Variants in SLC9A7 observed in about 807,000 individuals in gnomAD.
SLC9A7 encodes the protein sodium/hydrogen exchanger 7.
SLC9A7 carries 19 observed loss-of-function variants against 52.6 expected under a neutral mutation model. That is an observed-to-expected ratio of 0.36 (90% CI 0.25 to 0.53). The LOEUF (loss-of-function observed/expected upper bound fraction) is 0.53, where lower values mean the gene tolerates loss of function less well. Among genes scored for constraint, SLC9A7 ranks in the 20% least tolerant of loss-of-function variants. The pLI is 0.91. For synonymous variants in SLC9A7, 226 were observed against 252.1 expected (o/e 0.90, Z 0.98); for missense variants, 455 against 597.9 (o/e 0.76, Z 2.49).
Position 46,613,369 on chromosome X carries a change from T to C in SLC9A7, c.1849A>G (p.Ser617Gly). Residue 617 changes from serine (S) to glycine (G), a missense_variant, in exon 16 of 17, where the codon AGT (serine) becomes GGT (glycine). Transcript: ENST00000616978. The stretch of plus-strand genomic sequence containing the variant: ...AGCGTGGTGGTTAGTGGGGGACCAC[T>C]GTGTGTGAGGATGGGCTTCAGGTAA... ...HNYLKPILTH[S>G]GPPLTTTLPA... 1 of 1,202,944 alleles carries C rather than the reference T, an allele frequency of 8.3e-7. No homozygotes were observed.
intron 15 of SLC9A7, among the ~76,000 whole-genome samples, chrX:46,619,400 G>T (rs1393801316): frequency 1.8e-5 from 2 of 110,731 alleles, no homozygotes; most frequent in Admixed American, 9.6e-5. Context: ...GTTACTCCTG[G>T]GTAGATTACC....
intron 5 of SLC9A7, among the ~76,000 whole-genome samples, chrX:46,668,950 G>A (rs1004450921): frequency 3.6e-5 from 4 of 110,880 alleles, no homozygotes; most frequent in African/African-American, 1.3e-4. Context: ...GGTGGATCAC[G>A]AAGTCAGGAG....
At chrX:46,621,638 TTC>T (rs1342592794) in intron 14 of SLC9A7, among the ~76,000 whole-genome samples, 5 of 111,595 alleles carry the variant, frequency 4.5e-5, no homozygotes, top group African/African-American at 6.5e-5. Flanking sequence ...GAACTAACAA[TTC>T]TGTTATTTTA....
intron 16 of SLC9A7, among the ~76,000 whole-genome samples, chrX:46,610,250 C>T (rs1942826917): frequency 8.9e-6 from 1 of 112,589 alleles, no homozygotes; most frequent in Non-Finnish European, 1.9e-5. Flanking sequence ...GGGATGTGTG[C>T]ATTTTAAATA....
chrX:46,664,454 C>T (rs1433119156), intron 5 of SLC9A7, among the ~76,000 whole-genome samples: 6 of 111,682 alleles, frequency 5.4e-5, no homozygotes, highest in Admixed American at 1.9e-4. Context: ...TTCTTTGCAG[C>T]CAAAAGCATT....
chrX:46,743,483 T>C (rs967371721), intron 1 of SLC9A7, among the ~76,000 whole-genome samples: 11 of 112,226 alleles, frequency 9.8e-5, no homozygotes, highest in South Asian at 7.4e-4. Context: ...ACAGAAACAC[T>C]GCATATGTGC....
intron 1 of SLC9A7, among the ~76,000 whole-genome samples, chrX:46,696,372 C>T (rs1306174495): frequency 9.0e-6 from 1 of 111,329 alleles, no homozygotes; most frequent in Non-Finnish European, 1.9e-5. Context: ...TGAAAACCCC[C>T]TTCCCACTCC....
chrX:46,648,838 G>T, intron 10 of SLC9A7, 41 bp from the exon 11 acceptor site: 1 of 1,001,676 alleles, frequency 1.0e-6, no homozygotes. Flanking sequence ...ACAGTTTCCA[G>T]AATGGCATTC....
intron 8 of SLC9A7, among the ~76,000 whole-genome samples, chrX:46,651,855 AAAAAAAAG>A (rs1187267265): frequency 6.2e-5 from 5 of 80,309 alleles, no homozygotes; most frequent in Non-Finnish European, 1.3e-4. Flanking sequence ...AAAGAAAAAG[AAAAAAAAG>A]AAAAAAAAGT....
At chrX:46,617,950 C>T (rs779268532) in intron 15 of SLC9A7, among the ~76,000 whole-genome samples, 2 of 111,554 alleles carry the variant, frequency 1.8e-5, no homozygotes, top group East Asian at 5.6e-4. Flanking sequence ...GTAATTTGAA[C>T]CAACCTTTCC....
At chrX:46,699,209 G>A (rs888697967) in intron 1 of SLC9A7, among the ~76,000 whole-genome samples, 4 of 111,750 alleles carry the variant, frequency 3.6e-5, no homozygotes, top group Admixed American at 2.9e-4. Context: ...AGTAATAAGA[G>A]GGGGAAATGA....
In SLC9A7 at chrX:46,633,367, A is replaced by C. The variant is rs982752272; in HGVS notation, c.1677-1718T>G. On this transcript the variant is annotated intron_variant, in intron 13 of 16. Transcript: ENST00000616978. Reference sequence around the variant, plus strand: ...AAAAAAAAAAAAAAAAAAAAAAAAAAAAAAAAAAAAAAAACAGATCGGGGC... The same window carrying C: ...AAAAAAAAAAAAAAAAAAAAAAAAACAAAAAAAAAAAAAACAGATCGGGGC... Among the ~76,000 whole-genome samples, 353 of 97,118 alleles carry C rather than the reference A, an allele frequency of 3.6e-3. 2 individuals are homozygous for C. The highest frequency in any genetic ancestry group is 0.013 in the African/African-American group (339 of 26,498). 84.3% of individuals were successfully genotyped at this position (97,118 alleles called of 115,157 possible).
chrX:46,742,913 G>T (rs772400694), intron 1 of SLC9A7, among the ~76,000 whole-genome samples: 1 of 110,031 alleles, frequency 9.1e-6, no homozygotes, highest in African/African-American at 3.3e-5. Flanking sequence ...TTAGCCGGGC[G>T]TGGTGGCATG....
intron 7 of SLC9A7, among the ~76,000 whole-genome samples, chrX:46,658,876 G>C (rs1285843866): frequency 7.7e-4 from 85 of 110,397 alleles, no homozygotes; most frequent in African/African-American, 2.8e-3. Context: ...CATTTTATGA[G>C]GCCAGCATCA....
chrX:46,663,061 TG>T (rs1943851258), intron 5 of SLC9A7, among the ~76,000 whole-genome samples: 1 of 112,737 alleles, frequency 8.9e-6, no homozygotes, highest in Admixed American at 9.4e-5. Flanking sequence ...TGGTCGGGCA[TG>T]GTGGCTCATG....
intron 7 of SLC9A7, among the ~76,000 whole-genome samples, chrX:46,654,272 C>G (rs1052320880): frequency 2.3e-4 from 25 of 109,759 alleles, no homozygotes; most frequent in African/African-American, 8.3e-4. Context: ...CATCTGTAAT[C>G]CCAGCTATTC....
chrX:46,740,686 G>A lies in SLC9A7; in HGVS notation c.325+18019C>T, dbSNP rs181743296. ...TAGCCACAAACAAATAAAACCTACA[G>A]CTAGCTTTAATGGTGAAAAACTTTG... On this transcript the variant is annotated intron_variant, in intron 1 of 16. Coordinates refer to ENST00000616978, the MANE Select transcript of SLC9A7 (RefSeq NM_001257291.2). Among the ~76,000 whole-genome samples the A allele has an allele frequency of 2.5e-3, 278 of 111,070 alleles. 1 individual carries two copies. Among genetic ancestry groups the A allele is most frequent in the Non-Finnish European group, 2.3e-3 (120 of 52,915 alleles).
chrX:46,682,337 T>C lies in SLC9A7; in HGVS notation c.524A>G (p.Lys175Arg), dbSNP rs1467755242. ...GATGGCTGAGTGTCCCCAGCTCACC[T>C]TCCGTAGCATATCATTCTGCTCTAC... ...NSVEQNDMLRKVTFDPEVFFN... is the reference protein window; with the variant it reads ...NSVEQNDMLRRVTFDPEVFFN... The change falls in exon 2 of 17, where the codon AAG becomes AGG. Residue 175 changes from lysine to arginine, a missense_variant and splice_region_variant. By Grantham distance (26) the Lys-to-Arg change is conservative (BLOSUM62 2). Coordinates refer to ENST00000616978, the MANE Select transcript of SLC9A7 (RefSeq NM_001257291.2). 1 of 1,210,455 alleles carries C rather than the reference T, an allele frequency of 8.3e-7. No individual in the cohort carries two copies. Among genetic ancestry groups the C allele is most frequent in the Non-Finnish European group, 1.1e-6 (1 of 894,116 alleles).
chrX:46,608,640 C>T (rs1055527555), intron 16 of SLC9A7, among the ~76,000 whole-genome samples: 1 of 111,754 alleles, frequency 8.9e-6, no homozygotes, highest in Non-Finnish European at 1.9e-5. Flanking sequence ...CAGTAGCCTT[C>T]TTTCTTTTTC....
Sources: allele counts gnomAD v4.1 joint callset (sites outside exome capture counted in the v4.1 genomes callset), GRCh38; gene constraint gnomAD v4.1.1; transcripts MANE v1.5; gene names NCBI Gene and HGNC (gene_info 2026-07-23, HGNC 2026-07-21).